Variants in GPC5 observed in about 807,000 individuals in gnomAD.
GPC5 encodes the protein glypican-5.
Under a neutral mutation model 53.9 loss-of-function variants are expected in GPC5, and 47 were observed. The observed-to-expected ratio is 0.87, with a 90% CI of 0.69 to 1.11. GPC5 has a LOEUF of 1.11. Ranked by LOEUF, GPC5 falls within the 50% of genes most tolerant of loss-of-function variation. The pLI is 0.00. For missense variants in GPC5, 748 were observed against 713.1 expected (o/e 1.05, Z -0.56); for synonymous variants, 286 against 263.3 (o/e 1.09, Z -0.84).
intron 5 of GPC5, among the ~76,000 whole-genome samples, chr13:91,905,030 C>T (rs7322149): frequency 0.015 from 2,223 of 152,026 alleles, 50 homozygotes; most frequent in African/African-American, 0.051. Context: ...TCAGACTTCC[C>T]GTACTTTGAG....
chr13:91,802,704 G>A lies in GPC5; in HGVS notation c.1280+46284G>A, dbSNP rs188865812. 1.5e-3 allele frequency among the ~76,000 whole-genome samples: 227 copies of A among 152,168 alleles called. 1 individual carries two copies. The Middle Eastern group carries it at 0.037, about 25-fold the overall frequency. On this transcript the variant is annotated intron_variant, in intron 5 of 7. Transcript: ENST00000377067. Reference sequence around the variant, plus strand: ...AGTTCTCCAAGTCCCCAGCCGACCCGGAAGCCCAGCCAGCTTCACCTTTCA... The same window carrying A: ...AGTTCTCCAAGTCCCCAGCCGACCCAGAAGCCCAGCCAGCTTCACCTTTCA...
chr13:91,895,249 A>G (rs940433122), intron 5 of GPC5, among the ~76,000 whole-genome samples: 1 of 152,058 alleles, frequency 6.6e-6, no homozygotes, highest in Non-Finnish European at 1.5e-5. Flanking sequence ...CATTTATGAC[A>G]AGCTTTAGAG....
chr13:92,227,256 T>TCTTTG (rs2042494235), intron 7 of GPC5, among the ~76,000 whole-genome samples: 1 of 152,164 alleles, frequency 6.6e-6, no homozygotes, highest in South Asian at 2.1e-4. Context: ...CAGGCCCCTT[T>TCTTTG]CTTTGCTTTG....
chr13:91,924,482 T>C (rs2139021859), intron 6 of GPC5, among the ~76,000 whole-genome samples: 1 of 152,110 alleles, frequency 6.6e-6, no homozygotes, highest in African/African-American at 2.4e-5. Flanking sequence ...CCTAACACTT[T>C]GGGAGGCCGA....
intron 7 of GPC5, among the ~76,000 whole-genome samples, chr13:92,696,006 C>T (rs1193456198): frequency 6.6e-6 from 1 of 152,046 alleles, no homozygotes; most frequent in Non-Finnish European, 1.5e-5. Flanking sequence ...GCCTCATCCA[C>T]GTCCCTGAAA....
At chr13:92,372,031 T>C (rs1183852164) in intron 7 of GPC5, among the ~76,000 whole-genome samples, 1 of 152,168 alleles carries the variant, frequency 6.6e-6, no homozygotes, top group Non-Finnish European at 1.5e-5. Context: ...ACCGCAGTCC[T>C]ACAATCACAA....
At chr13:91,828,335 ATAGATAGG>A (rs536366694) in intron 5 of GPC5, among the ~76,000 whole-genome samples, 9 of 141,836 alleles carry the variant, frequency 6.3e-5, no homozygotes, top group East Asian at 2.4e-4. Flanking sequence ...TCCTTCCAAT[ATAGATAGG>A]TAGATAGGTA....
chr13:92,514,267 A>G (rs1382113824), intron 7 of GPC5, among the ~76,000 whole-genome samples: 1 of 151,726 alleles, frequency 6.6e-6, no homozygotes, highest in Non-Finnish European at 1.5e-5. Flanking sequence ...TTTTCATGTC[A>G]GGGATAACAT....
In GPC5 at chr13:91,448,887, A is replaced by T. The variant is rs761376470; in HGVS notation, c.290A>T (p.Lys97Met). Reference protein sequence around the residue: ...QFLQTSSSTLKFLISRNAAAF... With the variant: ...QFLQTSSSTLMFLISRNAAAF... ...CTTCAAACGTCCAGCTCTACATTAA[A>T]GTTTCTAATATCTCGAAATGCGGCT... Residue 97 changes from lysine (K) to methionine (M), a missense_variant, in exon 2 of 8, where the codon AAG (lysine) becomes ATG (methionine). Physicochemically the swap from Lys to Met is moderately conservative, Grantham distance 95. Coordinates refer to ENST00000377067, the MANE Select transcript of GPC5 (RefSeq NM_004466.6). The T allele has an allele frequency of 5.0e-6, 8 of 1,613,308 alleles. No homozygotes were observed. Among genetic ancestry groups the T allele is most frequent in the Non-Finnish European group, 6.8e-6 (8 of 1,179,680 alleles).
chr13:91,723,349 T>G (rs2036513408), intron 3 of GPC5, among the ~76,000 whole-genome samples: 1 of 152,116 alleles, frequency 6.6e-6, no homozygotes, highest in African/African-American at 2.4e-5. Context: ...TTGCATGGGT[T>G]TAACTATTGG....
chr13:91,757,454 G>A (rs1483788847), intron 5 of GPC5, among the ~76,000 whole-genome samples: 3 of 152,012 alleles, frequency 2.0e-5, no homozygotes, highest in South Asian at 2.1e-4. Flanking sequence ...TGTGGTTCCC[G>A]TAATCCCCAG....
At chr13:92,602,244 A>G (rs1319828443) in intron 7 of GPC5, among the ~76,000 whole-genome samples, 2 of 138,426 alleles carry the variant, frequency 1.4e-5, no homozygotes, top group African/African-American at 5.4e-5. Flanking sequence ...ATATATATAT[A>G]TATATATATA....
chr13:92,288,019 A>G (rs1217197764), intron 7 of GPC5, among the ~76,000 whole-genome samples: 1 of 151,822 alleles, frequency 6.6e-6, no homozygotes, highest in East Asian at 1.9e-4. Flanking sequence ...TCTTCCTTAC[A>G]TCTGCTAAAA....
At chr13:91,791,125 T>A (rs905944323) in intron 5 of GPC5, among the ~76,000 whole-genome samples, 1 of 152,180 alleles carries the variant, frequency 6.6e-6, no homozygotes, top group African/African-American at 2.4e-5. Context: ...CCAGAATAAA[T>A]GTGGTTCACA....
intron 7 of GPC5, among the ~76,000 whole-genome samples, chr13:92,401,111 T>C (rs1023464685): frequency 1.3e-5 from 2 of 152,104 alleles, no homozygotes; most frequent in Non-Finnish European, 2.9e-5. Flanking sequence ...GACTGTTGAA[T>C]TGGCCAATAA....
At chr13:91,514,257 C>G (rs9589272) in intron 2 of GPC5, among the ~76,000 whole-genome samples, 2,271 of 152,164 alleles carry the variant, frequency 0.015, 43 homozygotes, top group African/African-American at 0.049. Flanking sequence ...ATTTTATATT[C>G]CCACCAGCAA....
intron 7 of GPC5, among the ~76,000 whole-genome samples, chr13:92,414,857 C>T (rs964573629): frequency 5.3e-5 from 8 of 152,154 alleles, no homozygotes; most frequent in African/African-American, 1.7e-4. Context: ...CAATCCCATT[C>T]ATAAAAGCTC....
intron 7 of GPC5, among the ~76,000 whole-genome samples, chr13:92,329,536 G>A (rs2043274493): frequency 6.6e-6 from 1 of 152,038 alleles, no homozygotes; most frequent in South Asian, 2.1e-4. Context: ...ATTTGGAGGG[G>A]ACAAACATCC....
At chr13:92,088,741 T>TA (rs1297655806) in intron 6 of GPC5, among the ~76,000 whole-genome samples, 3 of 152,190 alleles carry the variant, frequency 2.0e-5, no homozygotes, top group African/African-American at 7.2e-5. Context: ...GTAATGATAT[T>TA]AGAGGTTTTA....
Sources: gnomAD v4.1 joint callset for allele counts (sites outside exome capture counted in the v4.1 genomes callset) on GRCh38, gnomAD v4.1.1 for gene constraint, MANE v1.5 for transcripts, NCBI Gene and HGNC (gene_info 2026-07-23, HGNC 2026-07-21) for gene names.